Variants in TYW1B observed in about 807,000 individuals in gnomAD.
TYW1B encodes tRNA-yW synthesizing protein 1 homolog B.
Under a neutral mutation model 86.9 loss-of-function variants are expected in TYW1B, and 73 were observed. That is an observed-to-expected ratio of 0.84 (90% CI 0.70 to 1.02). The LOEUF (loss-of-function observed/expected upper bound fraction) is 1.02, where lower values mean the gene tolerates loss of function less well. Ranked by LOEUF, TYW1B falls within the 50% of genes least tolerant of loss-of-function variation. The pLI, the probability that TYW1B is intolerant of heterozygous loss-of-function variation, is 0.00. For missense variants in TYW1B, 637 were observed against 827.4 expected, an observed-to-expected ratio of 0.77 and a Z score of 2.82; for synonymous variants, 248 against 292.8, an observed-to-expected ratio of 0.85 and a Z score of 1.56.
intron 13 of TYW1B, among the ~76,000 whole-genome samples, chr7:72,588,652 C>T (rs1457220282): frequency 9.9e-5 from 15 of 152,158 alleles, no homozygotes; most frequent in African/African-American, 3.4e-4. Context: ...AAGGAGACTG[C>T]TGTTGGCTGT....
intron 13 of TYW1B, among the ~76,000 whole-genome samples, chr7:72,615,239 A>T (rs1441358969): frequency 6.6e-6 from 1 of 152,248 alleles, no homozygotes; most frequent in Non-Finnish European, 1.5e-5. Flanking sequence ...TACAGACTGA[A>T]GTAAAGGATT....
chr7:72,650,386 CTACTT>C (rs1217030019), intron 11 of TYW1B, among the ~76,000 whole-genome samples: 1 of 152,128 alleles, frequency 6.6e-6, no homozygotes, highest in Admixed American at 6.6e-5. Flanking sequence ...GTACAGCACT[CTACTT>C]TATGTCTGAC....
At chr7:72,640,993 A>T (rs1287808943) in intron 11 of TYW1B, among the ~76,000 whole-genome samples, 2 of 152,172 alleles carry the variant, frequency 1.3e-5, no homozygotes, top group Non-Finnish European at 2.9e-5. Flanking sequence ...AGTCTGTTCT[A>T]TGAAAAGATC....
chr7:72,586,060 C>A (rs1811268106), intron 13 of TYW1B, among the ~76,000 whole-genome samples: 1 of 152,124 alleles, frequency 6.6e-6, no homozygotes, highest in African/African-American at 2.4e-5. Context: ...CTAGAAGGAC[C>A]CACAGAACTC....
intron 3 of TYW1B, among the ~76,000 whole-genome samples, chr7:72,814,359 C>T (rs1419049083): frequency 2.6e-5 from 4 of 151,370 alleles, no homozygotes; most frequent in Admixed American, 2.0e-4. Flanking sequence ...CCGAGGCGGG[C>T]GGATCACGAG....
intron 7 of TYW1B, among the ~76,000 whole-genome samples, chr7:72,756,871 A>C (rs1787598936): frequency 6.6e-6 from 1 of 152,190 alleles, no homozygotes; most frequent in African/African-American, 2.4e-5. Context: ...CAAACATCCA[A>C]TTTGCAAGTG....
At chr7:72,785,641 T>A (rs1788116220) in intron 6 of TYW1B, among the ~76,000 whole-genome samples, 1 of 152,034 alleles carries the variant, frequency 6.6e-6, no homozygotes, top group Non-Finnish European at 1.5e-5. Context: ...TATGACTCCA[T>A]GAAAGTTAGT....
chr7:72,729,276 G>A (rs1435518210), intron 8 of TYW1B, among the ~76,000 whole-genome samples: 27 of 152,048 alleles, frequency 1.8e-4, no homozygotes, highest in African/African-American at 5.1e-4. Context: ...CATCTACGTC[G>A]ACACTTCATA....
intron 7 of TYW1B, among the ~76,000 whole-genome samples, chr7:72,765,182 C>T (rs1368375353): frequency 6.6e-6 from 1 of 152,156 alleles, no homozygotes; most frequent in Non-Finnish European, 1.5e-5. Flanking sequence ...GGAAGGCTCA[C>T]GATCCTTAAG....
At chr7:72,648,544 G>GAAA (rs1171338007) in intron 11 of TYW1B, among the ~76,000 whole-genome samples, 4 of 75,196 alleles carry the variant, frequency 5.3e-5, no homozygotes, top group Admixed American at 1.6e-4. Context: ...CTCTGTCTCA[G>GAAA]AAAAAAAAAA....
At chr7:72,605,192 AG>A (rs1554434570) in intron 13 of TYW1B, among the ~76,000 whole-genome samples, 1 of 152,216 alleles carries the variant, frequency 6.6e-6, no homozygotes, top group African/African-American at 2.4e-5. Flanking sequence ...GAAGTATTCC[AG>A]GTATGAATAG....
chr7:72,791,771 G>A (rs562316603), intron 6 of TYW1B, among the ~76,000 whole-genome samples: 19 of 151,964 alleles, frequency 1.3e-4, no homozygotes, highest in East Asian at 7.8e-4. Context: ...GAAAGACTCC[G>A]TCTTAAACAA....
At chr7:72,703,936 T>A (rs1299720200) in intron 10 of TYW1B, among the ~76,000 whole-genome samples, 1 of 150,180 alleles carries the variant, frequency 6.7e-6, no homozygotes, top group Non-Finnish European at 1.5e-5. Context: ...ATTTCTGTGA[T>A]ATAGGTTAAA....
intron 11 of TYW1B, among the ~76,000 whole-genome samples, chr7:72,669,952 TAAATAAATA>T (rs1171518099): frequency 6.7e-6 from 1 of 149,692 alleles, no homozygotes; most frequent in Non-Finnish European, 1.5e-5. Context: ...AATAAATAAA[TAAATAAATA>T]AATAAATAAA....
At position 72,807,309 on chromosome 7, in the gene TYW1B, A is replaced by G; in HGVS notation, c.480T>C (p.Arg160=). 2 of 1,614,074 alleles carry G rather than the reference A, an allele frequency of 1.2e-6. No homozygotes were observed. The highest frequency in any genetic ancestry group is 1.7e-6 in the Non-Finnish European group (2 of 1,180,024). The change falls in exon 5 of 14, where the codon CGT becomes CGC. Residue 160 remains arginine (R), a synonymous_variant. Transcript: ENST00000620995. ...DKWLWMLGVH[R]VMSRGEGDCD... Reference sequence around the variant, plus strand: ...AGTCGCCCTCCCCTCGACTCATCACACGATGCACGCCAAGCATCCAGAGCC... The same window carrying G: ...AGTCGCCCTCCCCTCGACTCATCACGCGATGCACGCCAAGCATCCAGAGCC...
chr7:72,796,886 C>A (rs570832160), intron 6 of TYW1B, among the ~76,000 whole-genome samples: 2 of 59,766 alleles, frequency 3.3e-5, no homozygotes, highest in Admixed American at 1.7e-4. Context: ...CTCACTGCAA[C>A]CTCCACCTCC....
intron 13 of TYW1B, among the ~76,000 whole-genome samples, chr7:72,612,976 C>T (rs1404291570): frequency 6.6e-6 from 1 of 151,922 alleles, no homozygotes; most frequent in Admixed American, 6.6e-5. Flanking sequence ...GTCTTGAACT[C>T]CTGGGGTCAA....
chr7:72,605,176 G>C (rs576677990), intron 13 of TYW1B, among the ~76,000 whole-genome samples: 2 of 152,106 alleles, frequency 1.3e-5, no homozygotes. Flanking sequence ...CACTGCAAAC[G>C]ACCACGAAGT....
chr7:72,808,343 A>T (rs1285922965), intron 4 of TYW1B, among the ~76,000 whole-genome samples: 1 of 152,016 alleles, frequency 6.6e-6, no homozygotes, highest in African/African-American at 2.4e-5. Flanking sequence ...CCAGCTACTC[A>T]GTAGGCTAAG....
Sources: gnomAD v4.1 joint callset for allele counts (sites outside exome capture counted in the v4.1 genomes callset) on GRCh38, gnomAD v4.1.1 for gene constraint, MANE v1.5 for transcripts, NCBI Gene and HGNC (gene_info 2026-07-23, HGNC 2026-07-21) for gene names.